Variants in ZDHHC2 observed in about 807,000 individuals in gnomAD.
ZDHHC2 encodes zDHHC palmitoyltransferase 2.
In ZDHHC2, 51 loss-of-function variants were observed where a neutral mutation model predicts 55.6. The observed-to-expected ratio is 0.92, with a 90% CI of 0.73 to 1.16. The LOEUF (loss-of-function observed/expected upper bound fraction) is 1.16. Among genes scored for constraint, ZDHHC2 ranks in the 50% most tolerant of loss-of-function variants. The pLI is 0.00. For synonymous variants in ZDHHC2, 199 were observed against 152.9 expected (o/e 1.30, Z -2.22); for missense variants, 491 against 442.4 (o/e 1.11, Z -0.99).
chr8:17,207,913 T>TA (rs1295882650), intron 7 of ZDHHC2, 47 bp from the exon 8 acceptor site: 1 of 1,349,084 alleles, frequency 7.4e-7, no homozygotes, highest in Non-Finnish European at 9.6e-7. Context: ...AGTAGGGGAA[T>TA]ACATATCCCT....
At chr8:17,191,815 C>T (rs1214684721) in intron 3 of ZDHHC2, among the ~76,000 whole-genome samples, 1 of 152,068 alleles carries the variant, frequency 6.6e-6, no homozygotes, top group Non-Finnish European at 1.5e-5. Flanking sequence ...TACTTGTTTC[C>T]TTTCTTTTGG....
At chr8:17,199,627 T>G (rs1200735987) in intron 6 of ZDHHC2, among the ~76,000 whole-genome samples, 2 of 90,070 alleles carry the variant, frequency 2.2e-5, no homozygotes, top group Non-Finnish European at 5.9e-5. Context: ...TCTTCTTCCT[T>G]TCTTCTTCTT....
chr8:17,190,390 C>G (rs1805956840), intron 3 of ZDHHC2, among the ~76,000 whole-genome samples: 2 of 152,086 alleles, frequency 1.3e-5, no homozygotes, highest in South Asian at 4.1e-4. Context: ...AGAAAGAGCC[C>G]TTGTCTGGTG....
intron 6 of ZDHHC2, among the ~76,000 whole-genome samples, chr8:17,203,625 C>G (rs998448140): frequency 6.6e-6 from 1 of 152,144 alleles, no homozygotes; most frequent in African/African-American, 2.4e-5. Flanking sequence ...TACCCTGTAT[C>G]CTTTTGAGAC....
intron 1 of ZDHHC2, among the ~76,000 whole-genome samples, chr8:17,178,916 T>C (rs1016760908): frequency 6.6e-6 from 1 of 152,198 alleles, no homozygotes; most frequent in African/African-American, 2.4e-5. Context: ...GAGGACTGAT[T>C]AGTTCAGCCT....
At chr8:17,177,521 C>T (rs1805203295) in intron 1 of ZDHHC2, among the ~76,000 whole-genome samples, 1 of 152,128 alleles carries the variant, frequency 6.6e-6, no homozygotes, top group Non-Finnish European at 1.5e-5. Flanking sequence ...TAACTACATC[C>T]TTGTTTTTTC....
Position 17,195,564 on chromosome 8 carries a change from C to G in ZDHHC2, c.313C>G (p.Gln105Glu). The stretch of plus-strand genomic sequence containing the variant: ...GAGAGAGCCAAGAGGAGAAGCCCAT[C>G]AGGAAGTTCTTAGGCGAGCAGCCAA... Reference protein sequence around the residue: ...LEREPRGEAHQEVLRRAAKDL... With the variant: ...LEREPRGEAHEEVLRRAAKDL... Residue 105 changes from glutamine to glutamate, a missense_variant, in exon 4 of 13, where the codon CAG (glutamine) becomes GAG (glutamate). Gln to Glu is a conservative substitution (Grantham distance 29). Coordinates refer to ENST00000262096, the MANE Select transcript of ZDHHC2 (RefSeq NM_016353.5). 6.2e-7 allele frequency: 1 copy of G among 1,613,924 alleles called. No homozygotes were observed. The highest frequency in any genetic ancestry group is 8.5e-7 in the Non-Finnish European group (1 of 1,179,832).
intron 10 of ZDHHC2, 63 bp downstream of exon 10, chr8:17,210,543 G>T: frequency 5.9e-6 from 8 of 1,359,884 alleles, no homozygotes; most frequent in East Asian, 2.5e-5. Flanking sequence ...TGTGTCTTTT[G>T]GTTATATGTT....
chr8:17,161,229 T>C (rs1231997132), intron 1 of ZDHHC2, among the ~76,000 whole-genome samples: 3 of 152,202 alleles, frequency 2.0e-5, no homozygotes, highest in Admixed American at 2.0e-4. Context: ...TTTTCCACCA[T>C]GAAATGAATT....
At chr8:17,212,754 C>A (rs777992955) in intron 10 of ZDHHC2, among the ~76,000 whole-genome samples, 30 of 152,098 alleles carry the variant, frequency 2.0e-4, no homozygotes, top group Non-Finnish European at 3.4e-4. Flanking sequence ...TAATGAATGT[C>A]TGTTCCATCA....
chr8:17,172,294 C>A (rs1804894419), intron 1 of ZDHHC2, among the ~76,000 whole-genome samples: 1 of 152,190 alleles, frequency 6.6e-6, no homozygotes. Context: ...CTCTTGGCCG[C>A]CGGCTAAATA....
In ZDHHC2 at chr8:17,220,289, C is replaced by A. The variant is rs2150954225; in HGVS notation, c.*68C>A. 1.3e-5 allele frequency: 2 copies of A among 152,192 alleles called. No homozygotes were observed. The highest frequency in any genetic ancestry group is 4.1e-4 in the South Asian group (2 of 4,822). The allele number at this position is 152,192 out of a possible 1,614,324, so 9.4% of individuals were successfully genotyped here. On this transcript the variant is annotated 3_prime_UTR_variant, in exon 13 of 13. Coordinates refer to ENST00000262096, the MANE Select transcript of ZDHHC2 (RefSeq NM_016353.5). ...GCTGTAGATGGATGGAAGAGGCTTC[C>A]CACAGGAAGGTGCCACCAGTCAGTT...
At chr8:17,193,351 C>A (rs1317788730) in intron 3 of ZDHHC2, among the ~76,000 whole-genome samples, 4 of 152,216 alleles carry the variant, frequency 2.6e-5, no homozygotes, top group African/African-American at 7.2e-5. Flanking sequence ...CAGGCAGCGA[C>A]TCTTGTTCTT....
At chr8:17,202,810 C>G (rs1322886470) in intron 6 of ZDHHC2, among the ~76,000 whole-genome samples, 2 of 151,742 alleles carry the variant, frequency 1.3e-5, no homozygotes, top group African/African-American at 4.8e-5. Context: ...ATATTAAACT[C>G]TAAAATATAT....
intron 1 of ZDHHC2, among the ~76,000 whole-genome samples, chr8:17,164,642 C>T (rs931755932): frequency 6.6e-6 from 1 of 151,392 alleles, no homozygotes; most frequent in African/African-American, 2.4e-5. Flanking sequence ...ACAAAACATC[C>T]AAATAATAAA....
chr8:17,157,230 G>A (rs1182054237), intron 1 of ZDHHC2, among the ~76,000 whole-genome samples: 6 of 152,294 alleles, frequency 3.9e-5, no homozygotes, highest in East Asian at 3.9e-4. Context: ...GCTGAGCTGG[G>A]CCCGGCCCCG....
At chr8:17,168,327 A>T (rs1804702418) in intron 1 of ZDHHC2, among the ~76,000 whole-genome samples, 1 of 152,184 alleles carries the variant, frequency 6.6e-6, no homozygotes, top group African/African-American at 2.4e-5. Context: ...TCTGCTTATC[A>T]CTTCTGGGGT....
At chr8:17,177,864 GTT>G (rs1454023022) in intron 1 of ZDHHC2, among the ~76,000 whole-genome samples, 1 of 152,032 alleles carries the variant, frequency 6.6e-6, no homozygotes, top group Non-Finnish European at 1.5e-5. Context: ...ATATTGAAAA[GTT>G]AGTGTGTATG....
chr8:17,210,101 T>C, intron 9 of ZDHHC2, 43 bp downstream of exon 9: 1 of 1,553,326 alleles, frequency 6.4e-7, no homozygotes, highest in Non-Finnish European at 8.7e-7. Context: ...CTAATGAAAA[T>C]AATACAGCAA....
Sources: gnomAD v4.1 joint callset for allele counts (sites outside exome capture counted in the v4.1 genomes callset) on GRCh38, gnomAD v4.1.1 for gene constraint, MANE v1.5 for transcripts, NCBI Gene and HGNC (gene_info 2026-07-23, HGNC 2026-07-21) for gene names.